OTUD7B: variants seen among roughly 807,000 people sequenced by gnomAD.
OTUD7B encodes the protein OTU deubiquitinase 7B.
A neutral mutation model predicts 82.2 loss-of-function variants in OTUD7B; 34 were observed. The ratio of observed to expected loss-of-function variants is 0.41; its 90% CI spans 0.31 to 0.55. The LOEUF is 0.55. Ranked by LOEUF, OTUD7B falls within the 20% of genes least tolerant of loss-of-function variation. The pLI, the probability that OTUD7B is intolerant of heterozygous loss-of-function variation, is 0.20. For missense variants in OTUD7B, 944 were observed against 1,062.1 expected (o/e 0.89, Z 1.55); for synonymous variants, 398 against 402.7 (o/e 0.99, Z 0.14).
At chr1:149,998,129 G>A (rs587710442) in intron 1 of OTUD7B, among the ~76,000 whole-genome samples, 1 of 152,132 alleles carries the variant, frequency 6.6e-6, no homozygotes, top group South Asian at 2.1e-4. Flanking sequence ...CCTTTTTCAC[G>A]ATAATCAGTT....
chr1:150,058,653 C>T, the OTUD7B span, among the ~76,000 whole-genome samples: 1 of 152,186 alleles, frequency 6.6e-6, no homozygotes, highest in East Asian at 1.9e-4. Context: ...GATGAATCCC[C>T]AGGAGATTTG....
chr1:149,948,876 T>C (rs1647967650), intron 10 of OTUD7B, 93 bp downstream of exon 10: 2 of 814,232 alleles, frequency 2.5e-6, no homozygotes, highest in South Asian at 3.1e-5. Flanking sequence ...TGTGACTGTC[T>C]TGCCTGAGCT....
chr1:149,999,397 G>T (rs943445362), intron 1 of OTUD7B, among the ~76,000 whole-genome samples: 1 of 152,172 alleles, frequency 6.6e-6, no homozygotes, highest in Non-Finnish European at 1.5e-5. Flanking sequence ...ATTCATGTCA[G>T]TAAACAACAG....
rs1553773059 is a variant in OTUD7B, at chr1:149,950,213, C to G, written c.854G>C (p.Ser285Thr). The G allele has an allele frequency of 6.2e-7, 1 of 1,614,066 alleles. No individual in the cohort carries two copies. ...TNGANCGGVE[S>T]SEEPVYESLE... is the part of the protein sequence containing the mutation. ...GCTCTCATATACAGGCTCCTCAGAA[C>G]TCTCCACCCTGGAACGACGGGAAGG... Residue 285 changes from serine (S) to threonine (T), a missense_variant, in exon 8 of 12, where the codon AGT becomes ACT. Transcript: ENST00000581312.
At chr1:150,034,094 CATG>C in the OTUD7B span, among the ~76,000 whole-genome samples, 2,975 of 152,272 alleles carry the variant, frequency 0.02, 79 homozygotes, top group African/African-American at 0.067. Context: ...TTTAAAGTTA[CATG>C]ATAAGTGGCA....
chr1:149,987,878 T>C (rs1419199427), intron 1 of OTUD7B, among the ~76,000 whole-genome samples: 1 of 152,126 alleles, frequency 6.6e-6, no homozygotes, highest in Non-Finnish European at 1.5e-5. Context: ...GTCTGTCCCT[T>C]CCTAGATGTA....
the OTUD7B span, among the ~76,000 whole-genome samples, chr1:150,062,268 A>T: frequency 6.6e-6 from 1 of 152,234 alleles, no homozygotes; most frequent in South Asian, 2.1e-4. Context: ...CCAAAATGTT[A>T]TACCAATTTT....
intron 2 of OTUD7B, among the ~76,000 whole-genome samples, chr1:149,975,213 C>T (rs1187295768): frequency 6.6e-6 from 1 of 152,202 alleles, no homozygotes; most frequent in African/African-American, 2.4e-5. Flanking sequence ...AAAAATCACT[C>T]CTCGGAAAAG....
chr1:149,989,832 T>C (rs1378780820), intron 1 of OTUD7B, among the ~76,000 whole-genome samples: 1 of 91,806 alleles, frequency 1.1e-5, no homozygotes, highest in Admixed American at 1.3e-4. Context: ...GATGGATACT[T>C]CTTATTACTA....
chr1:150,058,116 A>G, the OTUD7B span, among the ~76,000 whole-genome samples: 2 of 152,320 alleles, frequency 1.3e-5, no homozygotes, highest in African/African-American at 2.4e-5. Context: ...AAACTACTCA[A>G]TCTCCTTGTA....
intron 2 of OTUD7B, 47 bp downstream of exon 2, chr1:149,977,379 A>G (rs377009558): frequency 3.0e-6 from 4 of 1,322,356 alleles, no homozygotes; most frequent in Non-Finnish European, 4.4e-6. Flanking sequence ...AATGATAAAT[A>G]CCACATTTTA....
chr1:149,950,102 C>T lies in OTUD7B; in HGVS notation c.965G>A (p.Gly322Glu). 2 of 1,613,976 alleles carry T rather than the reference C, an allele frequency of 1.2e-6. No individual in the cohort carries two copies. Among genetic ancestry groups the T allele is most frequent in the South Asian group, 2.2e-5 (2 of 91,076 alleles). Reference protein sequence around the residue: ...VVADTMLRDSGGEAFAPIPFG... With the variant: ...VVADTMLRDSEGEAFAPIPFG... ...CTGACTGGCTGACTCACCTTCCCCT[C>T]CGGAGTCCCTCAGCATGGTGTCTGC... is the stretch of plus-strand genomic sequence containing the variant. The change falls in exon 8 of 12, where the codon GGA (glycine) becomes GAA (glutamate). Residue 322 changes from glycine (G) to glutamate (E), a missense_variant. Gly to Glu is a moderately conservative substitution (Grantham distance 98, BLOSUM62 -2). Coordinates refer to ENST00000581312, the MANE Select transcript of OTUD7B (RefSeq NM_020205.4).
chr1:150,022,267 G>A, the OTUD7B span, among the ~76,000 whole-genome samples: 6 of 151,914 alleles, frequency 3.9e-5, no homozygotes, highest in South Asian at 2.1e-4. Context: ...GCGTGTTGGC[G>A]CATGCCTGTA....
At position 149,965,856 on chromosome 1, in the gene OTUD7B, A is replaced by C. The variant is rs782153828; in HGVS notation, c.525T>G (p.Ser175Arg). 4 of 1,613,782 alleles carry C rather than the reference A, an allele frequency of 2.5e-6. No individual in the cohort carries two copies. In the African/African-American group the frequency reaches 5.3e-5, roughly 22 times the overall value. The change falls in exon 5 of 12, where the codon AGT becomes AGG. Residue 175 changes from serine to arginine, a missense_variant. Ser to Arg is a moderately radical substitution (Grantham distance 110, BLOSUM62 -1). Around this residue, in one of 3 missense-constraint regions of OTUD7B, gnomAD observed 530 missense variants for 625.6 expected, o/e 0.85. Coordinates refer to ENST00000581312, the MANE Select transcript of OTUD7B (RefSeq NM_020205.4). ...EQAGRLNWWVSVDPTSQRLLP... is the reference protein window; with the variant it reads ...EQAGRLNWWVRVDPTSQRLLP... Reference sequence around the variant, plus strand: ...GCAGCCTCTGAGAGGTGGGATCCACACTCACCCACCAGTTCAAACGCCCTG... The same window carrying C: ...GCAGCCTCTGAGAGGTGGGATCCACCCTCACCCACCAGTTCAAACGCCCTG...
intron 11 of OTUD7B, among the ~76,000 whole-genome samples, 197 bp from the exon 12 acceptor site, chr1:149,945,262 G>A (rs1330911004): frequency 1.3e-5 from 2 of 152,144 alleles, no homozygotes; most frequent in African/African-American, 4.8e-5. Context: ...TTGCTCCAGA[G>A]AAGGGCTTCT....
the OTUD7B span, among the ~76,000 whole-genome samples, chr1:150,051,211 G>A: frequency 0.085 from 11,039 of 130,146 alleles, 642 homozygotes; most frequent in East Asian, 0.29. Context: ...CCTGGGCAAC[G>A]AGAGCTAGAC....
the OTUD7B span, among the ~76,000 whole-genome samples, chr1:150,036,753 C>T: frequency 1.3e-5 from 2 of 152,072 alleles, no homozygotes; most frequent in African/African-American, 2.4e-5. Flanking sequence ...AATTAAGATA[C>T]ACTTTAAGAC....
rs587713005 is a variant in OTUD7B, at chr1:150,010,007, T to C, written c.-67+441A>G. On this transcript the variant is annotated intron_variant, in intron 1 of 11. Coordinates refer to ENST00000581312, the MANE Select transcript of OTUD7B (RefSeq NM_020205.4). ...CTTTCCTCCATTACTGTATGCACCTTAGTTTGGCTATCAATAGGAAGAATA... is the reference window on the plus strand; with the variant it reads ...CTTTCCTCCATTACTGTATGCACCTCAGTTTGGCTATCAATAGGAAGAATA... Among the ~76,000 whole-genome samples the C allele has an allele frequency of 6.6e-5, 10 of 152,232 alleles. No homozygotes were observed. In the South Asian group the frequency reaches 2.1e-3, roughly 32 times the overall value.
In OTUD7B at chr1:149,939,518, G is replaced by A. The variant is rs781886351; in HGVS notation, c.*4339C>T. ...TCCAGATCTATAGTTGAAAGGCCTG[G>A]AGGGAAAGAAGGAAATTAGAAAAAT... On this transcript the variant is annotated 3_prime_UTR_variant, in exon 12 of 12. Transcript: ENST00000581312. 4 of 152,236 alleles carry A rather than the reference G, an allele frequency of 2.6e-5. No homozygotes were observed. The highest frequency in any genetic ancestry group is 4.4e-5 in the Non-Finnish European group (3 of 68,058). The allele number at this position is 152,236 out of a possible 1,614,324, so 9.4% of individuals were successfully genotyped here.
Sources: allele counts gnomAD v4.1 joint callset (sites outside exome capture counted in the v4.1 genomes callset), GRCh38; gene constraint gnomAD v4.1.1; regional missense constraint gnomAD v4.1.1; transcripts MANE v1.5; gene names NCBI Gene and HGNC (gene_info 2026-07-23, HGNC 2026-07-21).